The following CELF2 variants were observed in gnomAD, a reference collection of about 807,000 sequenced individuals.
CELF2 encodes CUG triplet repeat RNA-binding protein 2.
Under a neutral mutation model 62.6 loss-of-function variants are expected in CELF2, and 8 were observed. The ratio of observed to expected loss-of-function variants is 0.13; its 90% CI spans 0.07 to 0.23. The LOEUF (loss-of-function observed/expected upper bound fraction) is 0.23. Among genes scored for constraint, CELF2 ranks in the 10% least tolerant of loss-of-function variants. CELF2 has a pLI of 1.00. For synonymous variants in CELF2, 258 were observed against 250.0 expected, an observed-to-expected ratio of 1.03 and a Z score of -0.30; for missense variants, 333 against 671.0, an observed-to-expected ratio of 0.50 and a Z score of 5.56.
rs1341632953 is a variant in CELF2 at position 11,328,340 on chromosome 10, A to G, written c.1439-586A>G. Among the ~76,000 whole-genome samples, 1 of 152,222 alleles carries G rather than the reference A, an allele frequency of 6.6e-6. No individual in the cohort carries two copies. Among genetic ancestry groups the G allele is most frequent in the Non-Finnish European group, 1.5e-5 (1 of 68,026 alleles). ...AAATCAAGTATGAGTGAGTTATTCT[A>G]GAGTTTATTCGCTAATTGACCCATC... On this transcript the variant is annotated intron_variant, in intron 12 of 12. Transcript: ENST00000633077. The surrounding 1 kb of genome is among the most constrained non-coding windows in gnomAD (Gnocchi z 6.4).
chr10:11,329,985 C>T lies in CELF2; in HGVS notation c.*932C>T, dbSNP rs904568904. 3.3e-5 allele frequency: 5 copies of T among 152,462 alleles called. No individual in the cohort carries two copies. The highest frequency in any genetic ancestry group is 1.3e-4 in the Admixed American group (2 of 15,264). The allele number at this position is 152,462 out of a possible 1,614,324, so 9.4% of individuals were successfully genotyped here. ...TTGCCTATTGTTAACTTATTGGGTA[C>T]CTAAAGAGCAGTTCTCTGTCTAGCT... On this transcript the variant is annotated 3_prime_UTR_variant, in exon 13 of 13. Coordinates refer to ENST00000633077, the MANE Select transcript of CELF2 (RefSeq NM_001326342.2). The surrounding 1 kb of genome is among the most constrained non-coding windows in gnomAD (Gnocchi z 5.5).
intron 9 of CELF2, among the ~76,000 whole-genome samples, chr10:11,291,203 G>A (rs981017050): frequency 3.9e-5 from 6 of 152,160 alleles, no homozygotes; most frequent in African/African-American, 7.2e-5. Flanking sequence ...GTTTTTAAGC[G>A]TGTCTCTTAA....
At chr10:11,017,822 G>C (rs1365984025), upstream of CELF2, 2 of 405,462 alleles carry the variant, frequency 4.9e-6, no homozygotes, top group Non-Finnish European at 6.6e-6. The surrounding 1 kb of genome is among the most constrained non-coding windows in gnomAD (Gnocchi z 5.5). Flanking sequence ...CCGCGCTCTG[G>C]GCCGGCGGGC....
chr10:10,806,390 A>T (rs1357984986), intron 1 of CELF2, among the ~76,000 whole-genome samples: 4 of 151,994 alleles, frequency 2.6e-5, no homozygotes, highest in Non-Finnish European at 4.4e-5. Context: ...TTTTTAGTAG[A>T]GACAGGGCTT....
the CELF2 span, among the ~76,000 whole-genome samples, chr10:10,655,733 A>C: frequency 7.6e-6 from 1 of 132,142 alleles, no homozygotes; most frequent in African/African-American, 2.7e-5. Flanking sequence ...AAGATGGATT[A>C]AAGACTTAAA....
the CELF2 span, among the ~76,000 whole-genome samples, chr10:10,713,340 A>G: frequency 6.6e-6 from 1 of 152,186 alleles, no homozygotes; most frequent in Non-Finnish European, 1.5e-5. Flanking sequence ...CAGTGACTCT[A>G]CGGTGTTCAT....
intron 1 of CELF2, among the ~76,000 whole-genome samples, chr10:10,808,912 G>A (rs1191908024): frequency 1.3e-5 from 2 of 152,114 alleles, no homozygotes; most frequent in Admixed American, 1.3e-4. Flanking sequence ...ATACGCTATT[G>A]ATATTGAAGC....
At chr10:10,950,142 A>G (rs2135705290) in intron 2 of CELF2, among the ~76,000 whole-genome samples, 1 of 152,244 alleles carries the variant, frequency 6.6e-6, no homozygotes, top group South Asian at 2.1e-4. Flanking sequence ...GGGTTTCCCT[A>G]CCTTGACCTT....
At position 11,297,806 on chromosome 10, in the gene CELF2, C is replaced by T. The variant is rs557016844; in HGVS notation, c.976+9254C>T. Among the ~76,000 whole-genome samples the T allele has an allele frequency of 1.3e-5, 2 of 152,120 alleles. No homozygotes were observed. The highest frequency in any genetic ancestry group is 2.9e-5 in the Non-Finnish European group (2 of 67,984). ...GACCAGCCTGGCCAACATGGTGAAA[C>T]CCTGTCTATACTAAAAATACAAAAA... On this transcript the variant is annotated intron_variant, in intron 9 of 12. Transcript: ENST00000633077. This position sits in a 1 kb window ranked among gnomAD's most constrained non-coding sequence, Gnocchi z 4.4.
chr10:10,661,394 A>G, the CELF2 span, among the ~76,000 whole-genome samples: 1 of 152,194 alleles, frequency 6.6e-6, no homozygotes, highest in Non-Finnish European at 1.5e-5. Flanking sequence ...AGCACAGTTT[A>G]TGTTTACATT....
chr10:10,911,180 G>C (rs1050162231), intron 1 of CELF2, among the ~76,000 whole-genome samples: 7 of 152,150 alleles, frequency 4.6e-5, no homozygotes, highest in Non-Finnish European at 7.3e-5. Flanking sequence ...TGACGGAAGG[G>C]ACACCAGTGC....
the CELF2 span, among the ~76,000 whole-genome samples, chr10:10,625,652 A>G: frequency 3.3e-5 from 5 of 150,636 alleles, no homozygotes; most frequent in African/African-American, 1.2e-4. Flanking sequence ...GAGTTTAGAA[A>G]GGACCCTTGT....
At chr10:10,937,287 A>G (rs556973673) in intron 2 of CELF2, among the ~76,000 whole-genome samples, 1 of 151,906 alleles carries the variant, frequency 6.6e-6, no homozygotes, top group East Asian at 1.9e-4. Context: ...AAGTGCCACC[A>G]TGCCCAGCTG....
the CELF2 span, among the ~76,000 whole-genome samples, chr10:10,675,078 T>C: frequency 6.6e-3 from 1,011 of 152,350 alleles, 4 homozygotes; most frequent in East Asian, 0.018. Context: ...TCTTTTTTGA[T>C]GTGCTCCCTT....
chr10:10,751,612 A>T, the CELF2 span, among the ~76,000 whole-genome samples: 1 of 152,168 alleles, frequency 6.6e-6, no homozygotes, highest in African/African-American at 2.4e-5. Flanking sequence ...CTCAATATTG[A>T]CCAGTGATGT....
At chr10:11,023,863 T>C (rs1425843069) in intron 1 of CELF2, among the ~76,000 whole-genome samples, 1 of 152,246 alleles carries the variant, frequency 6.6e-6, no homozygotes, top group African/African-American at 2.4e-5. Flanking sequence ...CTAAAAGTGA[T>C]GTTTTAAAAT....
the CELF2 span, among the ~76,000 whole-genome samples, chr10:10,554,115 A>G: frequency 1.3e-5 from 2 of 152,250 alleles, no homozygotes; most frequent in East Asian, 3.9e-4. Flanking sequence ...TGTAGGAATG[A>G]GCATGTGTCA....
chr10:10,617,163 G>A, the CELF2 span, among the ~76,000 whole-genome samples: 2 of 152,154 alleles, frequency 1.3e-5, no homozygotes, highest in Non-Finnish European at 2.9e-5. Context: ...CAAGGAATGA[G>A]AGTTGTAACA....
the CELF2 span, among the ~76,000 whole-genome samples, chr10:10,543,943 G>A: frequency 6.6e-6 from 1 of 152,026 alleles, no homozygotes; most frequent in Admixed American, 6.6e-5. Flanking sequence ...ATGAGATATG[G>A]CTGAAGCTGT....
Sources: gnomAD v4.1 joint callset for allele counts (sites outside exome capture counted in the v4.1 genomes callset) on GRCh38, gnomAD v4.1.1 for gene constraint, Gnocchi (gnomAD v3.1) non-coding constraint, MANE v1.5 for transcripts, NCBI Gene and HGNC (gene_info 2026-07-23, HGNC 2026-07-21) for gene names.